KEL: variants seen among roughly 807,000 people sequenced by gnomAD.
KEL encodes Kell metallo-endopeptidase (Kell blood group).
In KEL, 96 loss-of-function variants were observed where a neutral mutation model predicts 99.5. The observed-to-expected ratio is 0.97, with a 90% CI of 0.82 to 1.14. The LOEUF is 1.14. Ranked by LOEUF, KEL falls within the 50% of genes most tolerant of loss-of-function variation. The probability of loss-of-function intolerance (pLI) is 0.00; values close to 1 mark genes in which losing one functional copy is unlikely to be tolerated. For synonymous variants in KEL, 355 were observed against 354.8 expected (o/e 1.00, Z -0.01); for missense variants, 926 against 924.2 (o/e 1.00, Z -0.03).
chr7:142,944,713 T>A lies in KEL; in HGVS notation c.1343A>T (p.Asp448Val), dbSNP rs764680187. ...GTTTCTGAGGCGAGTGATGAGGGCATCCCGGATCGCAGTGAATAATTTCAT... is the reference window on the plus strand; with the variant it reads ...GTTTCTGAGGCGAGTGATGAGGGCAACCCGGATCGCAGTGAATAATTTCAT... ...AAMKLFTAIRDALITRLRNLP... is the reference protein window; with the variant it reads ...AAMKLFTAIRVALITRLRNLP... The change falls in exon 12 of 19, where the codon GAT (aspartate) becomes GTT (valine). Residue 448 changes from aspartate (D) to valine (V), a missense_variant. Transcript: ENST00000355265. The A allele has an allele frequency of 6.2e-7, 1 of 1,614,116 alleles. No individual in the cohort carries two copies. The highest frequency in any genetic ancestry group is 8.5e-7 in the Non-Finnish European group (1 of 1,179,996).
At chr7:142,956,434 A>G (rs531135352) in intron 6 of KEL, among the ~76,000 whole-genome samples, 2 of 151,706 alleles carry the variant, frequency 1.3e-5, no homozygotes, top group South Asian at 4.1e-4. Flanking sequence ...TGGCCTCAGT[A>G]GCTCTTTTTT....
In KEL at chr7:142,952,661, C is replaced by T. The variant is rs377300607; in HGVS notation, c.1074-23G>A. 7.4e-6 allele frequency: 12 copies of T among 1,613,544 alleles called. No homozygotes were observed. In the African/African-American group the frequency reaches 1.6e-4, roughly 22 times the overall value. On this transcript the variant is annotated intron_variant, in intron 9 of 18. Transcript: ENST00000355265. ...TCCCTATGGAGACAAAAGAGACCCA[C>T]ACATATACCCCAGGAATCTGGGGAT... is the stretch of plus-strand genomic sequence containing the variant.
At position 142,958,342 on chromosome 7, in the gene KEL, C is replaced by T. The variant is rs8175974; in HGVS notation, c.487G>A (p.Ala163Thr). The T allele has an allele frequency of 9.8e-5, 158 of 1,614,124 alleles. No individual in the cohort carries two copies. The African/African-American group carries it at 2.0e-3, about 20-fold the overall frequency. ...TGTCTGAGGGGACCAGTCCCTGCAG[C>T]TTCAATGGCAAGTGTATCCATGCAG... ...NSCMDTLAIE[A>T]AGTGPLRQVI... Residue 163 changes from alanine to threonine, a missense_variant, in exon 5 of 19, where the codon GCT becomes ACT. Ala to Thr is a moderately conservative substitution (Grantham distance 58, BLOSUM62 0). Coordinates refer to ENST00000355265, the MANE Select transcript of KEL (RefSeq NM_000420.3).
chr7:142,943,405 C>T, intron 15 of KEL, 62 bp from the exon 16 acceptor site: 1 of 1,608,740 alleles, frequency 6.2e-7, no homozygotes, highest in African/African-American at 1.3e-5. Context: ...CCCAATTCTC[C>T]AACCGTAAGT....
intron 13 of KEL, 75 bp from the exon 14 acceptor site, chr7:142,943,958 C>T: frequency 8.1e-7 from 1 of 1,237,974 alleles, no homozygotes; most frequent in South Asian, 1.3e-5. Flanking sequence ...CCAATGGGAC[C>T]ATTTGACCCC....
Position 142,953,956 on chromosome 7 carries a change from C to G in KEL, c.925G>C (p.Glu309Gln). Residue 309 changes from glutamate (E) to glutamine (Q), a missense_variant and splice_region_variant, in exon 9 of 19, where the codon GAA becomes CAA. Physicochemically the swap from Glu to Gln is conservative, Grantham distance 29 (BLOSUM62 2). Coordinates refer to ENST00000355265, the MANE Select transcript of KEL (RefSeq NM_000420.3). The stretch of plus-strand genomic sequence containing the variant: ...AACCAGTCGATGGCGGGGGCCATTT[C>G]CTTAGAGGAGGGACACAAAGCTGAG... The part of the protein sequence containing the change: ...FQMVTIDQLK[E>Q]MAPAIDWLSC... 1 of 1,613,732 alleles carries G rather than the reference C, an allele frequency of 6.2e-7. No individual in the cohort carries two copies. Among genetic ancestry groups the G allele is most frequent in the Non-Finnish European group, 8.5e-7 (1 of 1,179,820 alleles).
chr7:142,946,678 C>G (rs1796540558), intron 10 of KEL: 1 of 343,058 alleles, frequency 2.9e-6, no homozygotes, highest in Admixed American at 4.2e-5. Context: ...CCCACCACCA[C>G]TCTACTCCGG....
At chr7:142,961,981 C>G in intron 1 of KEL, 109 bp from the exon 2 acceptor site, 4 of 1,607,058 alleles carry the variant, frequency 2.5e-6, no homozygotes, top group South Asian at 2.2e-5. Flanking sequence ...GCCCTGCCCC[C>G]ACACACATAT....
At chr7:142,960,776 C>T (rs1166152649) in intron 4 of KEL, 152 bp downstream of exon 4, 6 of 859,952 alleles carry the variant, frequency 7.0e-6, no homozygotes, top group Non-Finnish European at 1.0e-5. Flanking sequence ...TCTTTTACTC[C>T]CCCATCATCT....
chr7:142,958,061 C>T (rs1796871792), intron 5 of KEL, 88 bp from the exon 6 acceptor site: 3 of 1,507,404 alleles, frequency 2.0e-6, no homozygotes, highest in Non-Finnish European at 2.7e-6. Flanking sequence ...GCTGCTACTG[C>T]CTGACCTCTG....
intron 10 of KEL, 113 bp downstream of exon 10, chr7:142,952,396 G>A: frequency 1.5e-6 from 2 of 1,351,830 alleles, no homozygotes; most frequent in Non-Finnish European, 1.1e-6. Flanking sequence ...AGACATGGAG[G>A]GGCATCTACC....
At chr7:142,942,162 T>G in intron 18 of KEL, 2 of 530,874 alleles carry the variant, frequency 3.8e-6, no homozygotes, top group Non-Finnish European at 3.4e-6. Context: ...GAAAAAAAAG[T>G]TGGTCTCCTC....
chr7:142,942,184 G>T, intron 18 of KEL: 1 of 570,752 alleles, frequency 1.8e-6, no homozygotes, highest in Non-Finnish European at 3.1e-6. Flanking sequence ...TCTCCTGGAG[G>T]AACTTGGGAA....
At chr7:142,953,668 G>A (rs550394370) in intron 9 of KEL, 140 bp downstream of exon 9, 71 of 1,001,480 alleles carry the variant, frequency 7.1e-5, no homozygotes, top group Non-Finnish European at 9.6e-5. Flanking sequence ...TTCTCTGCCC[G>A]CACAGGTGGC....
chr7:142,944,699 G>T lies in KEL; in HGVS notation c.1357C>A (p.Arg453Ser), dbSNP rs752213193. Residue 453 changes from arginine to serine, a missense_variant, in exon 12 of 19, where the codon CGC (arginine) becomes AGC (serine). Physicochemically the swap from Arg to Ser is moderately radical, Grantham distance 110. Coordinates refer to ENST00000355265, the MANE Select transcript of KEL (RefSeq NM_000420.3). ...FTAIRDALIT[R>S]LRNLPWMNEE... is the part of the protein sequence containing the mutation. ...TTCATCCAGGGAAGGTTTCTGAGGC[G>T]AGTGATGAGGGCATCCCGGATCGCA... The T allele has an allele frequency of 1.1e-5, 18 of 1,614,014 alleles. No homozygotes were observed. The highest frequency in any genetic ancestry group is 1.5e-5 in the Non-Finnish European group (18 of 1,180,022).
chr7:142,941,462 C>CCTG, intron 18 of KEL, 49 bp from the exon 19 acceptor site: 1 of 1,523,246 alleles, frequency 6.6e-7, no homozygotes. Context: ...CAGGACAAAG[C>CCTG]TGACCCGGTG....
At chr7:142,961,227 G>T in intron 3 of KEL, 123 bp from the exon 4 acceptor site, 1 of 1,507,780 alleles carries the variant, frequency 6.6e-7, no homozygotes, top group Non-Finnish European at 9.2e-7. Flanking sequence ...AAATGGTTAG[G>T]ATGCAGGGAG....
At chr7:142,949,539 C>G (rs1586257778) in intron 10 of KEL, among the ~76,000 whole-genome samples, 1 of 152,176 alleles carries the variant, frequency 6.6e-6, no homozygotes. Flanking sequence ...TCTTCTTTCA[C>G]CAGGATATGT....
chr7:142,944,501 T>C (rs965289383), intron 12 of KEL, 101 bp from the exon 13 acceptor site: 91 of 1,223,914 alleles, frequency 7.4e-5, no homozygotes, highest in Non-Finnish European at 1.7e-5. Context: ...TTGTTGCCAG[T>C]GTGAGTATAC....
Sources: gnomAD v4.1 joint callset for allele counts (sites outside exome capture counted in the v4.1 genomes callset) on GRCh38, gnomAD v4.1.1 for gene constraint, MANE v1.5 for transcripts, NCBI Gene and HGNC (gene_info 2026-07-23, HGNC 2026-07-21) for gene names.